AFF2: variants seen among roughly 807,000 people sequenced by gnomAD.
AFF2 encodes the protein ALF transcription elongation factor 2, also known as AF4/FMR2 family member 2.
A neutral mutation model predicts 76.9 loss-of-function variants in AFF2; 14 were observed. The ratio of observed to expected loss-of-function variants is 0.18; its 90% confidence interval spans 0.12 to 0.28. AFF2 has a LOEUF of 0.28. Ranked by LOEUF, AFF2 falls within the 10% of genes least tolerant of loss-of-function variation. AFF2 has a pLI of 1.00. For missense variants in AFF2, 868 were observed against 1,001.1 expected (o/e 0.87, Z 1.79); for synonymous variants, 398 against 366.7 (o/e 1.09, Z -0.98).
Position 148,683,420 on chromosome X carries a change from A to T in AFF2, c.1041+20652A>T, listed in dbSNP as rs1252335308. On this transcript the variant is annotated intron_variant, in intron 3 of 20. Coordinates refer to ENST00000370460, the MANE Select transcript of AFF2 (RefSeq NM_002025.4). Reference sequence around the variant, plus strand: ...TACGTAGTACTCAATGACAGAATGGATTTACTTTTAAAATACCATGTTTTG... The same window carrying T: ...TACGTAGTACTCAATGACAGAATGGTTTTACTTTTAAAATACCATGTTTTG... Among the ~76,000 whole-genome samples, 24 of 111,825 alleles carry T rather than the reference A, an allele frequency of 2.1e-4. No homozygotes were observed. In the Admixed American group the frequency reaches 2.3e-3, roughly 11 times the overall value.
intron 1 of AFF2, among the ~76,000 whole-genome samples, chrX:148,622,981 G>C (rs1424777220): frequency 2.7e-5 from 3 of 112,122 alleles, no homozygotes; most frequent in Non-Finnish European, 5.6e-5. Flanking sequence ...TGGCAAGGAG[G>C]CTGATGAAGA....
intron 1 of AFF2, among the ~76,000 whole-genome samples, chrX:148,593,278 T>C (rs1207746935): frequency 8.9e-6 from 1 of 112,451 alleles, no homozygotes; most frequent in Admixed American, 9.4e-5. Context: ...GTTGCGTTTC[T>C]AGCTACTGAC....
chrX:148,527,413 G>T (rs1011056441), intron 1 of AFF2, among the ~76,000 whole-genome samples: 12 of 112,273 alleles, frequency 1.1e-4, no homozygotes, highest in African/African-American at 3.9e-4. Flanking sequence ...CATGAATTTA[G>T]ATTGGATCTT....
chrX:148,866,285 A>G (rs1248701307), intron 7 of AFF2, among the ~76,000 whole-genome samples: 2 of 112,388 alleles, frequency 1.8e-5, no homozygotes, highest in East Asian at 5.6e-4. Flanking sequence ...TTAGTAGGAA[A>G]CAATCAATAC....
intron 1 of AFF2, among the ~76,000 whole-genome samples, chrX:148,546,434 T>G (rs868973232): frequency 4.4e-5 from 5 of 112,382 alleles, no homozygotes. Context: ...ACTGTGATGA[T>G]GACAACAAAT....
chrX:148,600,129 A>G (rs2053612518), intron 1 of AFF2, among the ~76,000 whole-genome samples: 1 of 112,484 alleles, frequency 8.9e-6, no homozygotes, highest in South Asian at 3.6e-4. Context: ...GATATCGTCT[A>G]GAGAGATCTT....
At chrX:148,615,687 A>G (rs1385275455) in intron 1 of AFF2, among the ~76,000 whole-genome samples, 1 of 111,835 alleles carries the variant, frequency 8.9e-6, no homozygotes, top group Non-Finnish European at 1.9e-5. Flanking sequence ...CATTTAGCCC[A>G]TTATTCTTTT....
Position 148,996,626 on chromosome X carries a change from G to A in AFF2, c.*5294G>A, listed in dbSNP as rs1557293221. 1 of 112,216 alleles carries A rather than the reference G, an allele frequency of 8.9e-6. No homozygotes were observed. The highest frequency in any genetic ancestry group is 1.9e-5 in the Non-Finnish European group (1 of 53,247). The allele number at this position is 112,216 out of a possible 1,213,427, so 9.2% of individuals were successfully genotyped here. On this transcript the variant is annotated 3_prime_UTR_variant, in exon 21 of 21. Transcript: ENST00000370460. ...GACTAAAACAATTACATAGTTTTAAGATATGAATCAATGTGTGAATGTAGA... is the reference window on the plus strand; with the variant it reads ...GACTAAAACAATTACATAGTTTTAAAATATGAATCAATGTGTGAATGTAGA...
chrX:148,750,306 A>G (rs962106348), intron 3 of AFF2, among the ~76,000 whole-genome samples: 1 of 111,308 alleles, frequency 9.0e-6, no homozygotes, highest in Admixed American at 9.5e-5. Context: ...ACTCCTATGC[A>G]GTCGTCTTTT....
chrX:148,560,762 AG>A, intron 1 of AFF2, among the ~76,000 whole-genome samples: 1 of 112,321 alleles, frequency 8.9e-6, no homozygotes, highest in Non-Finnish European at 1.9e-5. Context: ...CTGAGGCAAA[AG>A]GAAAAAATAA....
At chrX:148,670,970 T>A (rs2054416623) in intron 3 of AFF2, among the ~76,000 whole-genome samples, 1 of 111,734 alleles carries the variant, frequency 8.9e-6, no homozygotes, top group Non-Finnish European at 1.9e-5. Context: ...TACTTGGGAT[T>A]TTTTTTCTTT....
chrX:148,838,623 G>C (rs186114046), intron 5 of AFF2, among the ~76,000 whole-genome samples: 1 of 111,744 alleles, frequency 8.9e-6, no homozygotes, highest in East Asian at 2.8e-4. Context: ...TGTGAGCAAG[G>C]TCATGAGAGA....
At chrX:148,586,127 T>C (rs782682101) in intron 1 of AFF2, among the ~76,000 whole-genome samples, 12 of 111,163 alleles carry the variant, frequency 1.1e-4, no homozygotes, top group Admixed American at 1.9e-4. Flanking sequence ...TAAGGGAAAA[T>C]TGAGGCACAG....
In AFF2 at chrX:148,500,783, C is replaced by T. The variant is rs1557231653; in HGVS notation, c.-315C>T. 9.7e-6 allele frequency: 1 copy of T among 103,295 alleles called. No individual in the cohort carries two copies. The highest frequency in any genetic ancestry group is 2.0e-5 in the Non-Finnish European group (1 of 50,426). The allele number at this position is 103,295 out of a possible 1,213,427, so 8.5% of individuals were successfully genotyped here. A position where few individuals can be genotyped will look rare whatever the true frequency, so the allele number is the denominator to read the frequency against. On this transcript the variant is annotated 5_prime_UTR_variant, in exon 1 of 21. Transcript: ENST00000370460. ...GCAGCCAGCCAGGCGGGCGGCCCAG[C>T]CCGCCTGAGCCCGCAGCGGCTGCCG...
chrX:148,996,801 G>C lies in AFF2; in HGVS notation c.*5469G>C, dbSNP rs1391234596. ...CATCATCTCCTTCCATATCTCACAG[G>C]TAAAATGGGCACTCAGAAAACCCTC... On this transcript the variant is annotated 3_prime_UTR_variant, in exon 21 of 21. Coordinates refer to ENST00000370460, the MANE Select transcript of AFF2 (RefSeq NM_002025.4). 2 of 111,911 alleles carry C rather than the reference G, an allele frequency of 1.8e-5. No individual in the cohort carries two copies. The highest frequency in any genetic ancestry group is 3.8e-5 in the Non-Finnish European group (2 of 53,143). The allele number at this position is 111,911 out of a possible 1,213,427, so 9.2% of individuals were successfully genotyped here.
chrX:148,712,050 C>T (rs2054973541), intron 3 of AFF2, among the ~76,000 whole-genome samples: 1 of 111,247 alleles, frequency 9.0e-6, no homozygotes, highest in African/African-American at 3.3e-5. Flanking sequence ...AGGAGCATCT[C>T]TCTGGTGTGA....
intron 1 of AFF2, among the ~76,000 whole-genome samples, chrX:148,505,049 C>T (rs1380129479): frequency 9.0e-6 from 1 of 111,469 alleles, no homozygotes. Context: ...TCTCTACCTC[C>T]ATCCATTTAT....
intron 16 of AFF2, among the ~76,000 whole-genome samples, chrX:148,976,973 G>A (rs1201317038): frequency 8.9e-6 from 1 of 112,388 alleles, no homozygotes; most frequent in African/African-American, 3.2e-5. Context: ...CCGAGTCTCA[G>A]GGGGTGAGCC....
In AFF2 at chrX:148,841,913, T is replaced by C. The variant is rs181371369; in HGVS notation, c.1174-1053T>C. Reference sequence around the variant, plus strand: ...GTGGTAATCTTCTGGAGTGGTGATCTTGCCAGAAGACAAATCTCTTGAGCA... The same window carrying C: ...GTGGTAATCTTCTGGAGTGGTGATCCTGCCAGAAGACAAATCTCTTGAGCA... On this transcript the variant is annotated intron_variant, in intron 5 of 20. Coordinates refer to ENST00000370460, the MANE Select transcript of AFF2 (RefSeq NM_002025.4). 2.5e-4 allele frequency among the ~76,000 whole-genome samples: 28 copies of C among 111,937 alleles called. No homozygotes were observed. In the East Asian group the frequency reaches 7.3e-3, roughly 29 times the overall value.
Sources: gnomAD v4.1 joint callset for allele counts (sites outside exome capture counted in the v4.1 genomes callset) on GRCh38, gnomAD v4.1.1 for gene constraint, MANE v1.5 for transcripts, NCBI Gene and HGNC (gene_info 2026-07-23, HGNC 2026-07-21) for gene names.